The following DIAPH2 variants were observed in gnomAD, a reference collection of about 807,000 sequenced individuals.
The protein encoded by DIAPH2 is diaphanous related formin 2.
DIAPH2 carries 35 observed loss-of-function variants against 92.7 expected under a neutral mutation model. The observed-to-expected ratio is 0.38, with a 90% CI of 0.29 to 0.50. The LOEUF is 0.50. Among genes scored for constraint, DIAPH2 ranks in the 20% least tolerant of loss-of-function variants. The probability of loss-of-function intolerance (pLI) is 0.94; values close to 1 mark genes in which losing one functional copy is unlikely to be tolerated. For missense variants in DIAPH2, 701 were observed against 819.5 expected, an observed-to-expected ratio of 0.86 and a Z score of 1.77; for synonymous variants, 301 against 280.4, an observed-to-expected ratio of 1.07 and a Z score of -0.73.
chrX:97,211,707 T>G (rs1366521984), intron 22 of DIAPH2, among the ~76,000 whole-genome samples: 1 of 111,680 alleles, frequency 9.0e-6, no homozygotes, highest in Non-Finnish European at 1.9e-5. Flanking sequence ...CACACCAGAA[T>G]TTGCCAGCTC....
intron 23 of DIAPH2, among the ~76,000 whole-genome samples, chrX:97,277,166 C>T (rs1444290552): frequency 1.8e-5 from 2 of 110,956 alleles, no homozygotes; most frequent in East Asian, 2.9e-4. Flanking sequence ...GGGATAACCC[C>T]GTCTCTTCTA....
chrX:97,521,706 G>A (rs1402990880), intron 26 of DIAPH2, among the ~76,000 whole-genome samples: 1 of 111,261 alleles, frequency 9.0e-6, no homozygotes, highest in African/African-American at 3.3e-5. Context: ...CCTTTGAAGA[G>A]GTGCCTTAGC....
chrX:97,423,659 G>A (rs182560897), intron 25 of DIAPH2, among the ~76,000 whole-genome samples: 1 of 111,640 alleles, frequency 9.0e-6, no homozygotes, highest in East Asian at 2.8e-4. Flanking sequence ...TAAGTCCTTA[G>A]TAATATCTGT....
intron 17 of DIAPH2, among the ~76,000 whole-genome samples, chrX:96,971,721 C>T (rs1304137015): frequency 9.0e-6 from 1 of 111,418 alleles, no homozygotes; most frequent in Non-Finnish European, 1.9e-5. Context: ...TATGACTTCC[C>T]TAATTGTGGA....
intron 26 of DIAPH2, among the ~76,000 whole-genome samples, chrX:97,511,466 T>G (rs1160116060): frequency 9.3e-6 from 1 of 107,239 alleles, no homozygotes; most frequent in Non-Finnish European, 1.9e-5. Flanking sequence ...AGGGACAACT[T>G]GACTTCCTCT....
intron 25 of DIAPH2, among the ~76,000 whole-genome samples, chrX:97,402,132 A>G (rs2069763731): frequency 9.0e-6 from 1 of 111,508 alleles, no homozygotes; most frequent in Non-Finnish European, 1.9e-5. Flanking sequence ...GTTGATGTAT[A>G]ATATATTGCC....
At chrX:97,507,639 CAG>C (rs1353375764) in intron 26 of DIAPH2, among the ~76,000 whole-genome samples, 1 of 112,014 alleles carries the variant, frequency 8.9e-6, no homozygotes, top group Non-Finnish European at 1.9e-5. Context: ...GTTAGTTTTT[CAG>C]AGTTTCTATC....
intron 5 of DIAPH2, among the ~76,000 whole-genome samples, chrX:96,895,189 G>A (rs1166025619): frequency 9.1e-6 from 1 of 109,842 alleles, no homozygotes; most frequent in African/African-American, 3.3e-5. Flanking sequence ...ATTTTTCGTA[G>A]AGATGGGGTT....
chrX:97,058,351 A>G (rs774042064), intron 17 of DIAPH2, among the ~76,000 whole-genome samples: 2 of 110,878 alleles, frequency 1.8e-5, no homozygotes, highest in East Asian at 5.7e-4. Flanking sequence ...AGTGATCTCT[A>G]TTCAGCAAAT....
chrX:96,692,235 C>G (rs755230574), intron 1 of DIAPH2, among the ~76,000 whole-genome samples: 2 of 111,776 alleles, frequency 1.8e-5, no homozygotes, highest in East Asian at 5.6e-4. Context: ...TTTGCTTGAT[C>G]CATCCTTTAT....
At chrX:97,054,595 C>T (rs1256235300) in intron 17 of DIAPH2, among the ~76,000 whole-genome samples, 1 of 111,608 alleles carries the variant, frequency 9.0e-6, no homozygotes, top group East Asian at 2.8e-4. Flanking sequence ...ATATAAAAAA[C>T]ATTCAACAAA....
chrX:97,596,259 C>T (rs2071550673), intron 26 of DIAPH2, among the ~76,000 whole-genome samples: 2 of 111,662 alleles, frequency 1.8e-5, no homozygotes, highest in African/African-American at 6.5e-5. Context: ...CATGTTACCC[C>T]ATCCTCCAAT....
chrX:96,878,835 A>T (rs1242987336), intron 4 of DIAPH2, among the ~76,000 whole-genome samples: 1 of 112,290 alleles, frequency 8.9e-6, no homozygotes, highest in East Asian at 2.8e-4. Flanking sequence ...AGCATACCAT[A>T]CAGTGTCTCA....
At chrX:96,837,471 C>G (rs1317372310) in intron 4 of DIAPH2, among the ~76,000 whole-genome samples, 1 of 85,651 alleles carries the variant, frequency 1.2e-5, no homozygotes, top group South Asian at 7.7e-4. Flanking sequence ...GTGTGTAGTA[C>G]TAGTAGTAGT....
rs145514505 is a variant in DIAPH2, at chrX:96,709,034, T to C, written c.132+23844T>C. ...CCTTTTGAATGAAGGGAATATTCCA[T>C]AATGGCTTATTTTAAGCAGTAATTA... On this transcript the variant is annotated intron_variant, in intron 1 of 26. Coordinates refer to ENST00000324765, the MANE Select transcript of DIAPH2 (RefSeq NM_006729.5). Among the ~76,000 whole-genome samples, 988 of 112,101 alleles carry C rather than the reference T, an allele frequency of 8.8e-3. 10 individuals are homozygous for C. The highest frequency in any genetic ancestry group is 0.03 in the African/African-American group (935 of 30,868).
rs374041854 is a variant in DIAPH2 at position 96,939,750 on chromosome X, C to T, written c.1325+368C>T. 2.3e-4 allele frequency among the ~76,000 whole-genome samples: 17 copies of T among 73,431 alleles called. No homozygotes were observed. In the East Asian group the frequency reaches 5.6e-3, roughly 24 times the overall value. The allele number at this position is 73,431 out of a possible 115,157, so 63.8% of individuals were successfully genotyped here. A position where few individuals can be genotyped will look rare whatever the true frequency, so the allele number is the denominator to read the frequency against. ...CGCGATCTCGACTCACTGCAAGCTC[C>T]GCCTCCCGGGTTCACGCCATTCTCC... is the stretch of plus-strand genomic sequence containing the variant. On this transcript the variant is annotated intron_variant, in intron 12 of 26. Transcript: ENST00000324765.
intron 23 of DIAPH2, among the ~76,000 whole-genome samples, chrX:97,318,930 G>A (rs184977180): frequency 6.1e-4 from 68 of 111,703 alleles, no homozygotes; most frequent in African/African-American, 2.1e-3. Context: ...AATAAATGAC[G>A]TTTTCTTATA....
chrX:96,909,388 A>G (rs1477748540), intron 5 of DIAPH2, among the ~76,000 whole-genome samples: 2 of 109,135 alleles, frequency 1.8e-5, no homozygotes, highest in African/African-American at 6.7e-5. Context: ...AGGCTGGGGG[A>G]GGGGGGTGGA....
intron 17 of DIAPH2, among the ~76,000 whole-genome samples, chrX:97,051,612 A>G (rs1388270684): frequency 9.2e-6 from 1 of 108,431 alleles, no homozygotes; most frequent in Non-Finnish European, 1.9e-5. Flanking sequence ...GGCTATTCCT[A>G]TTAAATAGCT....
Sources: allele counts gnomAD v4.1 joint callset (sites outside exome capture counted in the v4.1 genomes callset), GRCh38; gene constraint gnomAD v4.1.1; transcripts MANE v1.5; gene names NCBI Gene and HGNC (gene_info 2026-07-23, HGNC 2026-07-21).